ROBO2: variants seen among roughly 807,000 people sequenced by gnomAD.
ROBO2 encodes the protein roundabout homolog 2.
ROBO2 carries 53 observed loss-of-function variants against 160.8 expected under a neutral mutation model. That is an observed-to-expected ratio of 0.33 (90% confidence interval 0.26 to 0.41). The LOEUF (loss-of-function observed/expected upper bound fraction) is 0.41. Ranked by LOEUF, ROBO2 falls within the 10% of genes least tolerant of loss-of-function variation. The probability of loss-of-function intolerance (pLI) is 1.00; values close to 1 mark genes in which losing one functional copy is unlikely to be tolerated. For synonymous variants in ROBO2, 664 were observed against 611.7 expected (o/e 1.09, Z -1.26); for missense variants, 1,577 against 1,722.4 (o/e 0.92, Z 1.49).
At chr3:76,939,017 T>TGGTTTCTCTG (rs2149098992) in intron 2 of ROBO2, among the ~76,000 whole-genome samples, 2 of 149,652 alleles carry the variant, frequency 1.3e-5, no homozygotes, top group South Asian at 4.2e-4. Flanking sequence ...ACTGTTTCTC[T>TGGTTTCTCTG]GGTTTCTCTG....
At chr3:76,245,012 C>G (rs182361113) in intron 2 of ROBO2, among the ~76,000 whole-genome samples, 36 of 151,622 alleles carry the variant, frequency 2.4e-4, no homozygotes, top group Non-Finnish European at 4.6e-4. Flanking sequence ...ACAAATTCAC[C>G]GATGAAATTA....
intron 13 of ROBO2, among the ~76,000 whole-genome samples, chr3:77,572,957 G>A (rs541227478): frequency 6.6e-6 from 1 of 151,936 alleles, no homozygotes; most frequent in South Asian, 2.1e-4. Flanking sequence ...CAAATTTCTT[G>A]GATAAAGAAA....
chr3:77,543,301 C>T (rs1184916542), intron 6 of ROBO2, among the ~76,000 whole-genome samples: 1 of 152,108 alleles, frequency 6.6e-6, no homozygotes, highest in Non-Finnish European at 1.5e-5. Context: ...AAGCCTCTGC[C>T]ACAGGGCAAG....
chr3:77,526,331 C>T (rs2091157039), intron 6 of ROBO2, among the ~76,000 whole-genome samples: 2 of 151,364 alleles, frequency 1.3e-5, no homozygotes, highest in South Asian at 4.1e-4. Context: ...CTATCTTGCC[C>T]GAAGAGCCAT....
intron 2 of ROBO2, among the ~76,000 whole-genome samples, chr3:76,684,139 AAAAC>A (rs1350149945): frequency 6.6e-6 from 1 of 152,078 alleles, no homozygotes; most frequent in Non-Finnish European, 1.5e-5. Context: ...ATTGATTAAA[AAAAC>A]AAACAAGCAA....
At chr3:77,322,342 A>G (rs946573150) in intron 2 of ROBO2, among the ~76,000 whole-genome samples, 2 of 152,152 alleles carry the variant, frequency 1.3e-5, no homozygotes, top group Non-Finnish European at 2.9e-5. Flanking sequence ...CTCACATATG[A>G]AGTAGCACTG....
chr3:76,843,447 G>A (rs1192235322), intron 2 of ROBO2, among the ~76,000 whole-genome samples: 1 of 151,896 alleles, frequency 6.6e-6, no homozygotes, highest in Non-Finnish European at 1.5e-5. Flanking sequence ...CAGGAATATA[G>A]GGCACTGGTC....
At chr3:77,344,478 G>A (rs1327589171) in intron 2 of ROBO2, among the ~76,000 whole-genome samples, 1 of 152,080 alleles carries the variant, frequency 6.6e-6, no homozygotes, top group Admixed American at 6.6e-5. Context: ...TTATAAAAGA[G>A]GCCCAAGAAA....
At chr3:77,248,288 C>G (rs1038140510) in intron 2 of ROBO2, among the ~76,000 whole-genome samples, 1 of 152,194 alleles carries the variant, frequency 6.6e-6, no homozygotes, top group African/African-American at 2.4e-5. Context: ...CATGCAACCT[C>G]ATTCCTTCTG....
At chr3:76,398,720 TA>T (rs2077631067) in intron 2 of ROBO2, among the ~76,000 whole-genome samples, 1 of 151,818 alleles carries the variant, frequency 6.6e-6, no homozygotes, top group African/African-American at 2.4e-5. Flanking sequence ...TATTCTAAAC[TA>T]AATATACTAT....
intron 2 of ROBO2, among the ~76,000 whole-genome samples, chr3:77,233,317 C>A (rs368091489): frequency 6.0e-4 from 92 of 152,190 alleles, no homozygotes; most frequent in African/African-American, 1.6e-3. Context: ...CCTTGCCCCC[C>A]CCTCCACTTT....
intron 2 of ROBO2, among the ~76,000 whole-genome samples, chr3:76,460,970 C>T (rs1041980299): frequency 3.3e-5 from 5 of 152,066 alleles, no homozygotes; most frequent in South Asian, 2.1e-4. Context: ...AGCCATGCAT[C>T]GATAAAATCT....
chr3:76,867,142 C>T (rs776212224), intron 2 of ROBO2, among the ~76,000 whole-genome samples: 1 of 152,124 alleles, frequency 6.6e-6, no homozygotes, highest in African/African-American at 2.4e-5. Flanking sequence ...TAACACTAGC[C>T]TAGATTACTG....
intron 2 of ROBO2, among the ~76,000 whole-genome samples, chr3:77,379,597 C>G (rs1050139334): frequency 6.6e-6 from 1 of 152,120 alleles, no homozygotes; most frequent in African/African-American, 2.4e-5. Flanking sequence ...AATCTTTGTA[C>G]GTCGTTTGTT....
chr3:76,601,366 C>G (rs1479692097), intron 2 of ROBO2, among the ~76,000 whole-genome samples: 4 of 152,200 alleles, frequency 2.6e-5, no homozygotes, highest in African/African-American at 9.6e-5. Context: ...CCCTTCAGCA[C>G]TACCCTAGCA....
intron 24 of ROBO2, among the ~76,000 whole-genome samples, chr3:77,636,941 G>A (rs950825349): frequency 3.9e-5 from 6 of 152,162 alleles, no homozygotes; most frequent in African/African-American, 1.4e-4. Context: ...CTAAGGATAT[G>A]TAACACATAT....
chr3:77,623,413 A>C (rs1247511629), intron 23 of ROBO2, among the ~76,000 whole-genome samples: 1 of 152,152 alleles, frequency 6.6e-6, no homozygotes, highest in Non-Finnish European at 1.5e-5. Flanking sequence ...CCAAACTTTC[A>C]CAGATTTTAC....
intron 2 of ROBO2, chr3:77,317,566 A>C: frequency 1.5e-6 from 2 of 1,349,256 alleles, no homozygotes; most frequent in South Asian, 1.2e-5. Flanking sequence ...AGACATCCCT[A>C]GCAGATTTGC....
intron 2 of ROBO2, among the ~76,000 whole-genome samples, chr3:76,977,195 C>A (rs2059857620): frequency 6.6e-6 from 1 of 152,140 alleles, no homozygotes; most frequent in African/African-American, 2.4e-5. Context: ...ATGTTGGCAG[C>A]TCATGATATA....
Sources: gnomAD v4.1 joint callset for allele counts (sites outside exome capture counted in the v4.1 genomes callset) on GRCh38, gnomAD v4.1.1 for gene constraint, MANE v1.5 for transcripts, NCBI Gene and HGNC (gene_info 2026-07-23, HGNC 2026-07-21) for gene names.